RBM47: variants seen among roughly 807,000 people sequenced by gnomAD.
RBM47 encodes the protein RNA-binding protein 47.
In RBM47, 21 loss-of-function variants were observed where a neutral mutation model predicts 47.1. The observed-to-expected ratio is 0.45, with a 90% CI of 0.32 to 0.64. The LOEUF (loss-of-function observed/expected upper bound fraction) is 0.64. Among genes scored for constraint, RBM47 ranks in the 30% least tolerant of loss-of-function variants. RBM47 has a pLI of 0.05. For missense variants in RBM47, 708 were observed against 870.9 expected, an observed-to-expected ratio of 0.81 and a Z score of 2.35; for synonymous variants, 375 against 361.7, an observed-to-expected ratio of 1.04 and a Z score of -0.42.
intron 2 of RBM47, among the ~76,000 whole-genome samples, chr4:40,507,755 C>G (rs1724322500): frequency 6.6e-6 from 1 of 151,688 alleles, no homozygotes; most frequent in East Asian, 1.9e-4. Flanking sequence ...CACTTCATTC[C>G]AGCCTGGGCG....
At chr4:40,553,046 C>G (rs1349629497) in intron 1 of RBM47, among the ~76,000 whole-genome samples, 1 of 151,588 alleles carries the variant, frequency 6.6e-6, no homozygotes, top group African/African-American at 2.4e-5. Context: ...TGGCTCACTA[C>G]AACCTCCGCC....
At position 40,436,626 on chromosome 4, in the gene RBM47, C is replaced by T. The variant is rs1419106472; in HGVS notation, c.1145G>A (p.Gly382Glu). ...FVKAGSIRGR[G>E]RGAAGNRAPG... ...GGCTCTGTTGCCAGCTGCACCTCGC[C>T]CTCGGCCTCTTATGCTGCCTGCTTG... The change falls in exon 5 of 7, where the codon GGG becomes GAG. Residue 382 changes from glycine (G) to glutamate (E), a missense_variant. Coordinates refer to ENST00000295971, the MANE Select transcript of RBM47 (RefSeq NM_001098634.2). 8.1e-6 allele frequency: 13 copies of T among 1,613,940 alleles called. No individual in the cohort carries two copies. The highest frequency in any genetic ancestry group is 1.3e-5 in the African/African-American group (1 of 74,906).
At chr4:40,429,980 G>C (rs1200654949) in intron 6 of RBM47, among the ~76,000 whole-genome samples, 1 of 151,924 alleles carries the variant, frequency 6.6e-6, no homozygotes, top group African/African-American at 2.4e-5. Flanking sequence ...GGATCATGAA[G>C]TCAGGAGATC....
chr4:40,506,908 G>A (rs1724170537), intron 2 of RBM47, among the ~76,000 whole-genome samples: 1 of 152,070 alleles, frequency 6.6e-6, no homozygotes, highest in South Asian at 2.1e-4. Context: ...GCTGTGGCAG[G>A]CGAATCACTT....
At chr4:40,495,809 T>C (rs550886101) in intron 2 of RBM47, among the ~76,000 whole-genome samples, 7 of 135,336 alleles carry the variant, frequency 5.2e-5, no homozygotes, top group African/African-American at 2.0e-4. Context: ...ATTTATAACT[T>C]CTGAAAAGTG....
At chr4:40,427,965 AGGATG>A (rs1715300990) in intron 6 of RBM47, among the ~76,000 whole-genome samples, 1 of 152,118 alleles carries the variant, frequency 6.6e-6, no homozygotes, top group African/African-American at 2.4e-5. Context: ...TTGAGGTAGG[AGGATG>A]GCTTGAGGCC....
intron 1 of RBM47, among the ~76,000 whole-genome samples, chr4:40,609,578 G>C (rs940042174): frequency 6.6e-6 from 1 of 151,966 alleles, no homozygotes; most frequent in Non-Finnish European, 1.5e-5. Context: ...CTCCCAAAGT[G>C]CTGGGATTAC....
At chr4:40,444,071 TGC>T (rs1193993515) in intron 3 of RBM47, among the ~76,000 whole-genome samples, 1 of 152,028 alleles carries the variant, frequency 6.6e-6, no homozygotes, top group Non-Finnish European at 1.5e-5. Context: ...TGGTGGTGTG[TGC>T]CTGTAGTCCC....
At chr4:40,510,881 G>A (rs919232067) in intron 2 of RBM47, among the ~76,000 whole-genome samples, 39 of 152,110 alleles carry the variant, frequency 2.6e-4, no homozygotes, top group African/African-American at 8.7e-4. Context: ...AGACCAGACT[G>A]GCCAACATGA....
At chr4:40,522,821 A>G (rs1205863243) in intron 2 of RBM47, among the ~76,000 whole-genome samples, 1 of 152,120 alleles carries the variant, frequency 6.6e-6, no homozygotes, top group Non-Finnish European at 1.5e-5. Context: ...ATTTTTCATG[A>G]AAACATTTTC....
At chr4:40,550,096 G>T (rs989855849) in intron 1 of RBM47, among the ~76,000 whole-genome samples, 1 of 152,190 alleles carries the variant, frequency 6.6e-6, no homozygotes, top group South Asian at 2.1e-4. Flanking sequence ...CAGCCACAAA[G>T]GGTCAAACCC....
intron 2 of RBM47, among the ~76,000 whole-genome samples, chr4:40,538,693 G>A (rs576693236): frequency 4.6e-5 from 7 of 152,074 alleles, no homozygotes; most frequent in African/African-American, 1.4e-4. Context: ...CTGGAGTGGA[G>A]TGGCACAATC....
chr4:40,597,505 C>T (rs1734866078), intron 1 of RBM47, among the ~76,000 whole-genome samples: 1 of 151,840 alleles, frequency 6.6e-6, no homozygotes, highest in East Asian at 1.9e-4. Context: ...TGGCTTGAAC[C>T]CAGGAGGCGG....
At chr4:40,522,967 CTTTTT>C (rs529306760) in intron 2 of RBM47, among the ~76,000 whole-genome samples, 1 of 116,896 alleles carries the variant, frequency 8.6e-6, no homozygotes, top group Non-Finnish European at 1.7e-5. Context: ...TCTCAAAAAT[CTTTTT>C]TTTTTTTTTT....
chr4:40,496,722 T>C (rs1021174719), intron 2 of RBM47, among the ~76,000 whole-genome samples: 15 of 152,294 alleles, frequency 9.8e-5, no homozygotes, highest in Non-Finnish European at 1.5e-4. Flanking sequence ...TGGAAAGTAG[T>C]ACCATTCCTG....
intron 2 of RBM47, among the ~76,000 whole-genome samples, chr4:40,492,255 A>C (rs371675874): frequency 7.9e-5 from 12 of 152,094 alleles, no homozygotes; most frequent in Non-Finnish European, 1.3e-4. Flanking sequence ...CTGTAGTCCC[A>C]GCTACTTCGG....
chr4:40,580,066 G>C (rs573228644), intron 1 of RBM47, among the ~76,000 whole-genome samples: 1 of 152,128 alleles, frequency 6.6e-6, no homozygotes, highest in South Asian at 2.1e-4. Flanking sequence ...CCTACTTTTA[G>C]AGGATTTATA....
At chr4:40,427,198 G>A (rs577642624) in intron 6 of RBM47, 3 of 152,330 alleles carry the variant, frequency 2.0e-5, no homozygotes, top group East Asian at 3.9e-4. Flanking sequence ...CCTAAGAGAT[G>A]ACACCATTAA....
chr4:40,447,637 G>C (rs1336331924), intron 3 of RBM47, among the ~76,000 whole-genome samples: 3 of 152,198 alleles, frequency 2.0e-5, no homozygotes, highest in Non-Finnish European at 2.9e-5. Flanking sequence ...CCAGCACTTT[G>C]GAAGGCTGAG....
Sources: gnomAD v4.1 joint callset for allele counts (sites outside exome capture counted in the v4.1 genomes callset) on GRCh38, gnomAD v4.1.1 for gene constraint, MANE v1.5 for transcripts, NCBI Gene and HGNC (gene_info 2026-07-23, HGNC 2026-07-21) for gene names.